Variants in COL5A2 observed in about 807,000 individuals in gnomAD.
The protein encoded by COL5A2 is collagen type V alpha 2 chain, also known as collagen alpha-2(V) chain.
Under a neutral mutation model 208.2 loss-of-function variants are expected in COL5A2, and 23 were observed. The ratio of observed to expected loss-of-function variants is 0.11; its 90% CI spans 0.08 to 0.16. The LOEUF (loss-of-function observed/expected upper bound fraction) is 0.16. Among genes scored for constraint, COL5A2 ranks in the 10% least tolerant of loss-of-function variants. COL5A2 has a pLI of 1.00. For missense variants in COL5A2, 1,590 were observed against 1,956.4 expected (o/e 0.81, Z 3.53); for synonymous variants, 625 against 628.5 (o/e 0.99, Z 0.08).
intron 1 of COL5A2, among the ~76,000 whole-genome samples, chr2:189,224,581 C>T (rs1027665629): frequency 2.6e-5 from 4 of 151,726 alleles, no homozygotes; most frequent in East Asian, 1.9e-4. Context: ...CACAGCTACT[C>T]GGGAGGCTGA....
intron 18 of COL5A2, among the ~76,000 whole-genome samples, chr2:189,070,970 G>C (rs993378855): frequency 6.6e-6 from 1 of 152,208 alleles, no homozygotes; most frequent in Non-Finnish European, 1.5e-5. Flanking sequence ...TATGTCATTA[G>C]AGAGAGCCTA....
At chr2:189,326,345 T>C in the COL5A2 span, among the ~76,000 whole-genome samples, 2 of 152,006 alleles carry the variant, frequency 1.3e-5, no homozygotes, top group Non-Finnish European at 2.9e-5. Context: ...GAGGCAAAGA[T>C]GTAGAAAGAA....
At chr2:189,048,012 C>G (rs1394735405) in intron 45 of COL5A2, among the ~76,000 whole-genome samples, 197 bp downstream of exon 45, 1 of 152,114 alleles carries the variant, frequency 6.6e-6, no homozygotes, top group South Asian at 2.1e-4. Context: ...TGAAAAAATA[C>G]CATCTTAATT....
the COL5A2 span, among the ~76,000 whole-genome samples, chr2:189,349,136 TA>T: frequency 6.6e-6 from 1 of 152,172 alleles, no homozygotes; most frequent in African/African-American, 2.4e-5. Context: ...AGCTATATTA[TA>T]ACATAATTGT....
chr2:189,282,384 C>A, the COL5A2 span, among the ~76,000 whole-genome samples: 1 of 151,940 alleles, frequency 6.6e-6, no homozygotes, highest in Non-Finnish European at 1.5e-5. Context: ...AATGTTAGTG[C>A]AAAGGTAAAA....
the COL5A2 span, among the ~76,000 whole-genome samples, chr2:189,296,249 T>G: frequency 6.6e-6 from 1 of 152,186 alleles, no homozygotes; most frequent in Admixed American, 6.5e-5. Flanking sequence ...GTTTTAATAC[T>G]ATATTTTTTT....
At chr2:189,074,267 T>C (rs1311545541) in intron 17 of COL5A2, among the ~76,000 whole-genome samples, 1 of 152,006 alleles carries the variant, frequency 6.6e-6, no homozygotes, top group Non-Finnish European at 1.5e-5. Flanking sequence ...AAAAACCCTT[T>C]AAATGGGTAA....
upstream of COL5A2, among the ~76,000 whole-genome samples, chr2:189,181,553 A>G (rs1278988429): frequency 6.6e-6 from 1 of 152,206 alleles, no homozygotes; most frequent in African/African-American, 2.4e-5. Flanking sequence ...CTATTCTACC[A>G]TGAGGCAATT....
intron 50 of COL5A2, among the ~76,000 whole-genome samples, chr2:189,040,837 T>C (rs2153506715): frequency 6.6e-6 from 1 of 152,298 alleles, no homozygotes; most frequent in East Asian, 1.9e-4. Context: ...TATTCACAAT[T>C]AGAGAAATAA....
the COL5A2 span, among the ~76,000 whole-genome samples, chr2:189,350,790 A>G: frequency 1.3e-5 from 2 of 152,212 alleles, no homozygotes; most frequent in African/African-American, 4.8e-5. Flanking sequence ...ATTATTCACC[A>G]GAATTAGACC....
chr2:189,240,860 C>G, the COL5A2 span, among the ~76,000 whole-genome samples: 1 of 152,108 alleles, frequency 6.6e-6, no homozygotes, highest in Non-Finnish European at 1.5e-5. Context: ...TCAATAAAAT[C>G]TAAGACATAA....
chr2:189,043,112 C>G, intron 48 of COL5A2, 39 bp downstream of exon 48: 2 of 1,462,870 alleles, frequency 1.4e-6, no homozygotes, highest in East Asian at 2.3e-5. Context: ...CGTGTATTTT[C>G]AACTACAGGG....
At chr2:189,390,828 C>T in the COL5A2 span, among the ~76,000 whole-genome samples, 1 of 152,260 alleles carries the variant, frequency 6.6e-6, no homozygotes, top group South Asian at 2.1e-4. Context: ...AAGCCATTTC[C>T]CCAATTTATT....
chr2:189,066,438 G>T lies in COL5A2; in HGVS notation c.1515C>A (p.Pro505=). 6.2e-7 allele frequency: 1 copy of T among 1,614,112 alleles called. No homozygotes were observed. Among genetic ancestry groups the T allele is most frequent in the South Asian group, 1.1e-5 (1 of 91,084 alleles). The part of the protein sequence containing the change: ...GPPGEEGKRG[P]RGDPGTVGPP... The stretch of plus-strand genomic sequence containing the variant: ...GACCAACTGTTCCTGGGTCACCTCT[G>T]GGACCTCTTTTGCCTTCTTCACCGG... The change falls in exon 23 of 54, where the codon CCC becomes CCA. Residue 505 remains proline, a synonymous_variant. Transcript: ENST00000374866.
the COL5A2 span, among the ~76,000 whole-genome samples, chr2:189,431,104 C>T: frequency 6.6e-6 from 1 of 152,048 alleles, no homozygotes; most frequent in African/African-American, 2.4e-5. Context: ...AGCTGAGGTA[C>T]CTATTAGAAG....
intron 32 of COL5A2, 72 bp downstream of exon 32, chr2:189,058,777 G>T: frequency 1.5e-6 from 2 of 1,366,070 alleles, no homozygotes; most frequent in Non-Finnish European, 2.1e-6. Context: ...CCCAGTTTAA[G>T]ATTTTAAAAG....
chr2:189,334,869 A>C, the COL5A2 span, among the ~76,000 whole-genome samples: 1 of 152,056 alleles, frequency 6.6e-6, no homozygotes, highest in Non-Finnish European at 1.5e-5. Flanking sequence ...TGTTGACATA[A>C]CAATATATAT....
At chr2:189,431,177 C>A in the COL5A2 span, among the ~76,000 whole-genome samples, 1 of 152,080 alleles carries the variant, frequency 6.6e-6, no homozygotes, top group South Asian at 2.1e-4. Flanking sequence ...ACACCAAAAC[C>A]CCATCTGTAG....
At chr2:189,045,485 G>C (rs1251220750) in intron 46 of COL5A2, among the ~76,000 whole-genome samples, 1 of 152,074 alleles carries the variant, frequency 6.6e-6, no homozygotes, top group Admixed American at 6.5e-5. Context: ...CATTGAATAA[G>C]TATCACCTTA....
Sources: allele counts gnomAD v4.1 joint callset (sites outside exome capture counted in the v4.1 genomes callset), GRCh38; gene constraint gnomAD v4.1.1; transcripts MANE v1.5; gene names NCBI Gene and HGNC (gene_info 2026-07-23, HGNC 2026-07-21).